Variants in SH3BGRL2 observed in about 807,000 individuals in gnomAD.
The protein encoded by SH3BGRL2 is SH3 domain binding glutamate rich protein like 2, also known as SH3 domain-binding glutamic acid-rich-like protein 2.
Under a neutral mutation model 14.8 loss-of-function variants are expected in SH3BGRL2, and 21 were observed. The ratio of observed to expected loss-of-function variants is 1.42; its 90% CI spans 1.01 to 2.05. SH3BGRL2 has a LOEUF of 2.05. Among genes scored for constraint, SH3BGRL2 ranks in the 30% most tolerant of loss-of-function variants. The pLI is 0.00. For synonymous variants in SH3BGRL2, 50 were observed against 47.8 expected (o/e 1.05, Z -0.19); for missense variants, 147 against 130.8 (o/e 1.12, Z -0.61).
the SH3BGRL2 span, among the ~76,000 whole-genome samples, chr6:79,583,867 A>C: frequency 5.9e-5 from 9 of 152,250 alleles, no homozygotes; most frequent in Non-Finnish European, 4.4e-5. Flanking sequence ...AGAAGGGTTC[A>C]GACTGCTGTA....
At chr6:79,592,023 G>C in the SH3BGRL2 span, among the ~76,000 whole-genome samples, 1 of 152,110 alleles carries the variant, frequency 6.6e-6, no homozygotes, top group Non-Finnish European at 1.5e-5. Context: ...CTGCCTTTCA[G>C]AGATAAAGAT....
intron 1 of SH3BGRL2, among the ~76,000 whole-genome samples, chr6:79,632,637 A>G (rs909378347): frequency 6.6e-6 from 1 of 152,234 alleles, no homozygotes; most frequent in African/African-American, 2.4e-5. Flanking sequence ...AACCAACACG[A>G]TCATACAAAG....
the SH3BGRL2 span, among the ~76,000 whole-genome samples, chr6:79,615,639 A>G: frequency 3.8e-4 from 58 of 152,228 alleles, no homozygotes; most frequent in Non-Finnish European, 6.6e-4. Flanking sequence ...CTTGATAGGT[A>G]TTAAATACTC....
the SH3BGRL2 span, among the ~76,000 whole-genome samples, chr6:79,602,158 A>G: frequency 6.6e-6 from 1 of 152,248 alleles, no homozygotes; most frequent in Non-Finnish European, 1.5e-5. Context: ...AATGCTTACA[A>G]TGAGCCAAAT....
chr6:79,618,473 C>T, the SH3BGRL2 span, among the ~76,000 whole-genome samples: 38 of 152,218 alleles, frequency 2.5e-4, no homozygotes, highest in African/African-American at 8.4e-4. Flanking sequence ...TTTGGGAGGC[C>T]GAGGCCGGCG....
chr6:79,702,946 C>A lies in SH3BGRL2; in HGVS notation c.*3437C>A, dbSNP rs1236655981. ...CAGAAGAAAACAGTATTTCTGAAGGCATTGTTTGAGGTTGATCTCAGCACT... is the reference window on the plus strand; with the variant it reads ...CAGAAGAAAACAGTATTTCTGAAGGAATTGTTTGAGGTTGATCTCAGCACT... On this transcript the variant is annotated 3_prime_UTR_variant, in exon 4 of 4. Coordinates refer to ENST00000369838, the MANE Select transcript of SH3BGRL2 (RefSeq NM_031469.4). 6.6e-6 allele frequency: 1 copy of A among 152,210 alleles called. No homozygotes were observed. The highest frequency in any genetic ancestry group is 2.4e-5 in the African/African-American group (1 of 41,450). The allele number at this position is 152,210 out of a possible 1,614,324, so 9.4% of individuals were successfully genotyped here.
At chr6:79,589,459 A>G in the SH3BGRL2 span, among the ~76,000 whole-genome samples, 3 of 152,114 alleles carry the variant, frequency 2.0e-5, no homozygotes, top group African/African-American at 7.2e-5. Flanking sequence ...ATGTGTGATA[A>G]ATCAGTCAAT....
upstream of SH3BGRL2, among the ~76,000 whole-genome samples, chr6:79,630,429 G>T (rs887055009): frequency 6.6e-6 from 1 of 152,218 alleles, no homozygotes; most frequent in Non-Finnish European, 1.5e-5. Flanking sequence ...AGAGAGGCTT[G>T]AGCTTTTGTC....
chr6:79,587,503 T>C, the SH3BGRL2 span, among the ~76,000 whole-genome samples: 1 of 152,224 alleles, frequency 6.6e-6, no homozygotes, highest in African/African-American at 2.4e-5. Context: ...GGAAAAATGA[T>C]ATGTTTTTAA....
At chr6:79,598,925 T>A in the SH3BGRL2 span, among the ~76,000 whole-genome samples, 33 of 151,778 alleles carry the variant, frequency 2.2e-4, no homozygotes, top group African/African-American at 6.8e-4. Flanking sequence ...TCTACTAAAA[T>A]ACAAAATTAG....
chr6:79,641,590 T>G (rs1769035129), intron 1 of SH3BGRL2, among the ~76,000 whole-genome samples: 1 of 152,164 alleles, frequency 6.6e-6, no homozygotes, highest in South Asian at 2.1e-4. Flanking sequence ...GTAAGTGGGA[T>G]AGGAATGGTA....
At chr6:79,616,060 C>T in the SH3BGRL2 span, among the ~76,000 whole-genome samples, 1 of 152,060 alleles carries the variant, frequency 6.6e-6, no homozygotes, top group Non-Finnish European at 1.5e-5. Flanking sequence ...AGGTGATCCA[C>T]CCGCCTTGGC....
the SH3BGRL2 span, among the ~76,000 whole-genome samples, chr6:79,586,270 G>C: frequency 2.1e-5 from 1 of 48,578 alleles, no homozygotes; most frequent in African/African-American, 8.2e-5. Context: ...TTGCTCATTA[G>C]CTATTGTTAA....
intron 1 of SH3BGRL2, among the ~76,000 whole-genome samples, chr6:79,668,358 C>G (rs1769703010): frequency 6.6e-6 from 1 of 152,120 alleles, no homozygotes; most frequent in Non-Finnish European, 1.5e-5. Flanking sequence ...AGTGAAGGTT[C>G]CAAGTGTCTT....
the SH3BGRL2 span, among the ~76,000 whole-genome samples, chr6:79,602,356 G>T: frequency 6.6e-6 from 1 of 152,150 alleles, no homozygotes; most frequent in African/African-American, 2.4e-5. Flanking sequence ...CTCCCTGAGG[G>T]GGTGACATTC....
chr6:79,642,413 A>T (rs1769050694), intron 1 of SH3BGRL2, among the ~76,000 whole-genome samples: 2 of 152,144 alleles, frequency 1.3e-5, no homozygotes, highest in East Asian at 1.9e-4. Context: ...TATACTGTGT[A>T]TGTTTTTTTT....
chr6:79,640,609 T>C (rs1769011589), intron 1 of SH3BGRL2, among the ~76,000 whole-genome samples: 2 of 152,152 alleles, frequency 1.3e-5, no homozygotes, highest in Non-Finnish European at 2.9e-5. Flanking sequence ...GTTGAGTATT[T>C]GGCAGAACTC....
the SH3BGRL2 span, among the ~76,000 whole-genome samples, chr6:79,552,437 T>A: frequency 6.6e-6 from 1 of 152,212 alleles, no homozygotes; most frequent in Admixed American, 6.5e-5. Flanking sequence ...GTTTATAATC[T>A]GGGATCTTAT....
the SH3BGRL2 span, among the ~76,000 whole-genome samples, chr6:79,541,312 T>A: frequency 6.6e-6 from 1 of 152,248 alleles, no homozygotes. Flanking sequence ...TGTGTGCTTT[T>A]CACTGTATGT....
Sources: allele counts gnomAD v4.1 joint callset (sites outside exome capture counted in the v4.1 genomes callset), GRCh38; gene constraint gnomAD v4.1.1; transcripts MANE v1.5; gene names NCBI Gene and HGNC (gene_info 2026-07-23, HGNC 2026-07-21).